EXOC4: variants seen among roughly 807,000 people sequenced by gnomAD.
EXOC4 encodes the protein exocyst complex component 4.
EXOC4 carries 71 observed loss-of-function variants against 107.2 expected under a neutral mutation model. The observed-to-expected ratio is 0.66, with a 90% CI of 0.55 to 0.81. The LOEUF (loss-of-function observed/expected upper bound fraction) is 0.81. EXOC4 is among the 30% of genes least tolerant of loss of function. EXOC4 has a pLI of 0.00. For missense variants in EXOC4, 1,108 were observed against 1,189.6 expected, an observed-to-expected ratio of 0.93 and a Z score of 1.01; for synonymous variants, 456 against 441.2, an observed-to-expected ratio of 1.03 and a Z score of -0.42.
chr7:133,296,069 G>C (rs1794512940), intron 3 of EXOC4, among the ~76,000 whole-genome samples: 1 of 152,168 alleles, frequency 6.6e-6, no homozygotes, highest in Non-Finnish European at 1.5e-5. Flanking sequence ...TCCTAGTGTA[G>C]AAGAGCAGCT....
intron 11 of EXOC4, among the ~76,000 whole-genome samples, chr7:133,871,026 C>A (rs1798739652): frequency 6.6e-6 from 1 of 152,184 alleles, no homozygotes; most frequent in Non-Finnish European, 1.5e-5. Flanking sequence ...ATTTTGTGAG[C>A]TGGTTGTTAA....
chr7:133,328,751 C>A (rs1795309063), intron 5 of EXOC4, among the ~76,000 whole-genome samples: 2 of 152,188 alleles, frequency 1.3e-5, no homozygotes. Flanking sequence ...TATTGGCCCT[C>A]ACTGTCTTCT....
intron 9 of EXOC4, among the ~76,000 whole-genome samples, chr7:133,520,195 G>T (rs1165859861): frequency 3.3e-5 from 5 of 152,086 alleles, no homozygotes; most frequent in African/African-American, 1.2e-4. Flanking sequence ...ATGACAGAAA[G>T]GCTAAAGTTC....
At chr7:134,053,882 C>T (rs903239208) in intron 17 of EXOC4, among the ~76,000 whole-genome samples, 1 of 152,096 alleles carries the variant, frequency 6.6e-6, no homozygotes, top group Admixed American at 6.5e-5. Context: ...TGAAGTACAA[C>T]AAAGACAAAT....
Position 133,884,581 on chromosome 7 carries a change from C to CTGTGTGTGTGTGTG in EXOC4, c.1735-10991_1735-10978dup, listed in dbSNP as rs34350149. On this transcript the variant is annotated intron_variant, in intron 11 of 17. Transcript: ENST00000253861. ...CTCTCAGGTGTGCTTGCCCTATGCT[C>CTGTGTGTGTGTGTG]TGTGTGTGTGTGTGTGTGTGTGTGT... Among the ~76,000 whole-genome samples the CTGTGTGTGTGTGTG allele has an allele frequency of 7.7e-3, 1,109 of 143,718 alleles. 19 individuals carry two copies. Among genetic ancestry groups the CTGTGTGTGTGTGTG allele is most frequent in the African/African-American group, 0.027 (1,036 of 38,380 alleles). The allele number at this position is 143,718 out of a possible 152,430, so 94.3% of individuals were successfully genotyped here.
intron 10 of EXOC4, among the ~76,000 whole-genome samples, chr7:133,768,600 G>A (rs1387880839): frequency 6.6e-6 from 1 of 151,942 alleles, no homozygotes; most frequent in African/African-American, 2.4e-5. Context: ...TATTTTTTGA[G>A]AAGGATTCTT....
intron 9 of EXOC4, among the ~76,000 whole-genome samples, chr7:133,625,648 A>G (rs532314780): frequency 1.3e-5 from 2 of 152,364 alleles, no homozygotes; most frequent in South Asian, 4.1e-4. Flanking sequence ...GGACCAGCCT[A>G]TGAACACTAA....
chr7:133,529,682 T>G lies in EXOC4; in HGVS notation c.1417+49544T>G, dbSNP rs576223837. 1.4e-3 allele frequency among the ~76,000 whole-genome samples: 213 copies of G among 152,302 alleles called. 2 individuals carry two copies. Among genetic ancestry groups the G allele is most frequent in the African/African-American group, 3.5e-3 (145 of 41,574 alleles). ...AACCTGTTGCTGAGTTATGTATAAA[T>G]TTAGATGTCTGTATTCATTTTTTAT... On this transcript the variant is annotated intron_variant, in intron 9 of 17. Coordinates refer to ENST00000253861, the MANE Select transcript of EXOC4 (RefSeq NM_021807.4).
intron 7 of EXOC4, among the ~76,000 whole-genome samples, chr7:133,409,436 A>G (rs905392868): frequency 2.0e-5 from 3 of 152,200 alleles, no homozygotes; most frequent in Non-Finnish European, 2.9e-5. Context: ...AAGTATCACC[A>G]GCTATGAGAG....
At position 133,475,269 on chromosome 7, in the gene EXOC4, T is replaced by A. The variant is rs1798983578; in HGVS notation, c.1183-59T>A. On this transcript the variant is annotated intron_variant, in intron 7 of 17. Transcript: ENST00000253861. ...ATTTGCATGGTTTTAAAATAGTTTT[T>A]CTTAATTGCACATTAAAAATGTGTA... 9.3e-6 allele frequency: 13 copies of A among 1,402,342 alleles called. No homozygotes were observed. In the South Asian group the frequency reaches 1.4e-4, roughly 15 times the overall value. 86.9% of individuals were successfully genotyped at this position (1,402,342 alleles called of 1,614,324 possible).
At chr7:133,979,204 C>T (rs1201023497) in intron 14 of EXOC4, among the ~76,000 whole-genome samples, 1 of 152,062 alleles carries the variant, frequency 6.6e-6, no homozygotes, top group Non-Finnish European at 1.5e-5. Context: ...GAATATAACA[C>T]AATTTCTATC....
At chr7:133,802,597 A>T (rs1796971153) in intron 10 of EXOC4, among the ~76,000 whole-genome samples, 1 of 152,040 alleles carries the variant, frequency 6.6e-6, no homozygotes, top group Non-Finnish European at 1.5e-5. Context: ...AGTGGCTCAC[A>T]CCTGTAATTT....
rs528981996 is a variant in EXOC4 at position 133,867,472 on chromosome 7, C to T, written c.1735-28127C>T. Reference sequence around the variant, plus strand: ...GGCAGTCTCAGCTTCCTCTCTCAAACACCTGGCTGGTGGATTTTTAGGGGG... The same window carrying T: ...GGCAGTCTCAGCTTCCTCTCTCAAATACCTGGCTGGTGGATTTTTAGGGGG... On this transcript the variant is annotated intron_variant, in intron 11 of 17. Coordinates refer to ENST00000253861, the MANE Select transcript of EXOC4 (RefSeq NM_021807.4). Among the ~76,000 whole-genome samples, 5 of 152,292 alleles carry T rather than the reference C, an allele frequency of 3.3e-5. No individual in the cohort carries two copies. In the East Asian group the frequency reaches 9.7e-4, roughly 29 times the overall value.
chr7:133,529,272 G>T (rs1800135973), intron 9 of EXOC4, among the ~76,000 whole-genome samples: 1 of 152,062 alleles, frequency 6.6e-6, no homozygotes. Flanking sequence ...AAACCCTAGT[G>T]TAATTAGTAC....
At chr7:133,635,725 G>A (rs1410552838) in intron 10 of EXOC4, among the ~76,000 whole-genome samples, 2 of 152,142 alleles carry the variant, frequency 1.3e-5, no homozygotes, top group African/African-American at 4.8e-5. Flanking sequence ...TTTAGAAACA[G>A]GGTTTAGCTA....
At chr7:133,279,582 T>C (rs1225598940) in intron 2 of EXOC4, among the ~76,000 whole-genome samples, 1 of 152,186 alleles carries the variant, frequency 6.6e-6, no homozygotes, top group Non-Finnish European at 1.5e-5. Context: ...GCAGTAGCAC[T>C]ATCATGAATC....
chr7:133,511,807 G>A (rs2012240), intron 9 of EXOC4, among the ~76,000 whole-genome samples: 114,461 of 149,528 alleles, frequency 0.77, 44,452 homozygotes, highest in East Asian at 0.95. Flanking sequence ...TTACTTTTTG[G>A]GGTGACATAT....
intron 10 of EXOC4, among the ~76,000 whole-genome samples, chr7:133,710,121 G>C (rs993456592): frequency 2.6e-5 from 4 of 151,932 alleles, no homozygotes; most frequent in African/African-American, 9.7e-5. Context: ...ATAGTAGCCA[G>C]GCATTTAGAG....
At chr7:133,817,271 T>G in intron 10 of EXOC4, 54 bp from the exon 11 acceptor site, 1 of 1,291,296 alleles carries the variant, frequency 7.7e-7, no homozygotes, top group Non-Finnish European at 1.1e-6. Flanking sequence ...CATGTCGTAT[T>G]TATATAACAT....
Sources: gnomAD v4.1 joint callset for allele counts (sites outside exome capture counted in the v4.1 genomes callset) on GRCh38, gnomAD v4.1.1 for gene constraint, MANE v1.5 for transcripts, NCBI Gene and HGNC (gene_info 2026-07-23, HGNC 2026-07-21) for gene names.